Variants in DPYD observed in about 807,000 individuals in gnomAD.
DPYD encodes the protein dihydropyrimidine dehydrogenase [NADP(+)].
DPYD carries 109 observed loss-of-function variants against 116.2 expected under a neutral mutation model. The observed-to-expected ratio is 0.94, with a 90% CI of 0.80 to 1.10. The LOEUF (loss-of-function observed/expected upper bound fraction) is 1.10. Ranked by LOEUF, DPYD falls within the 50% of genes least tolerant of loss-of-function variation. The pLI is 0.00. For synonymous variants in DPYD, 440 were observed against 432.0 expected (o/e 1.02, Z -0.23); for missense variants, 1,302 against 1,254.5 (o/e 1.04, Z -0.57).
At chr1:97,278,931 T>TC (rs397714329) in intron 18 of DPYD, among the ~76,000 whole-genome samples, 26 of 152,082 alleles carry the variant, frequency 1.7e-4, no homozygotes, top group African/African-American at 5.8e-4. Context: ...ATTTTTTTTT[T>TC]CCCACAGCTC....
At chr1:97,283,106 T>C (rs1405526139) in intron 18 of DPYD, among the ~76,000 whole-genome samples, 2 of 152,148 alleles carry the variant, frequency 1.3e-5, no homozygotes, top group Non-Finnish European at 2.9e-5. Flanking sequence ...AATAGTTTAA[T>C]TTAGTACAAT....
At chr1:97,124,678 ACT>A (rs952324216) in intron 20 of DPYD, among the ~76,000 whole-genome samples, 116 of 152,242 alleles carry the variant, frequency 7.6e-4, no homozygotes, top group African/African-American at 2.7e-3. Context: ...ATATAAGTCC[ACT>A]GAGGAAAGTT....
intron 6 of DPYD, among the ~76,000 whole-genome samples, chr1:97,697,165 A>C (rs1453815671): frequency 6.6e-6 from 1 of 152,122 alleles, no homozygotes; most frequent in East Asian, 1.9e-4. Context: ...AAGCAAAACT[A>C]CTGATTATTT....
chr1:97,134,011 AAAAATATATATATATATATATAT>A (rs1288164352), intron 20 of DPYD, among the ~76,000 whole-genome samples: 3,712 of 35,176 alleles, frequency 0.11, 532 homozygotes, highest in Middle Eastern at 0.26. Context: ...AAAAAAAAAA[AAAAATATATATATATATATATAT>A]ATATATATAT....
chr1:97,696,671 T>A (rs1661325356), intron 6 of DPYD, among the ~76,000 whole-genome samples: 1 of 152,132 alleles, frequency 6.6e-6, no homozygotes. Flanking sequence ...TCAGACAACA[T>A]GAAAAAAATC....
At chr1:97,391,699 C>G (rs561821430) in intron 14 of DPYD, among the ~76,000 whole-genome samples, 28 of 152,022 alleles carry the variant, frequency 1.8e-4, no homozygotes, top group African/African-American at 6.0e-4. Context: ...ATTAGTTGCC[C>G]CATATCTGAT....
intron 5 of DPYD, among the ~76,000 whole-genome samples, chr1:97,710,878 C>T (rs1466216016): frequency 6.6e-6 from 1 of 151,528 alleles, no homozygotes; most frequent in Admixed American, 6.6e-5. Context: ...GTAAACCCAC[C>T]TGAAAGAGAA....
At chr1:97,362,100 G>A (rs568945440) in intron 16 of DPYD, among the ~76,000 whole-genome samples, 1 of 152,230 alleles carries the variant, frequency 6.6e-6, no homozygotes, top group Non-Finnish European at 1.5e-5. Flanking sequence ...AGCAACTTCA[G>A]CAAAGTCTCA....
intron 1 of DPYD, among the ~76,000 whole-genome samples, chr1:97,904,231 G>A (rs1673499200): frequency 6.6e-6 from 1 of 151,826 alleles, no homozygotes; most frequent in South Asian, 2.1e-4. Context: ...TATCATGATG[G>A]AAATCAAACA....
At chr1:97,772,080 T>C (rs1181677428) in intron 3 of DPYD, among the ~76,000 whole-genome samples, 1 of 152,194 alleles carries the variant, frequency 6.6e-6, no homozygotes, top group African/African-American at 2.4e-5. Flanking sequence ...GTCCTCTCAC[T>C]TTTTCTGCCC....
intron 18 of DPYD, among the ~76,000 whole-genome samples, chr1:97,264,116 A>G (rs1002862120): frequency 6.7e-6 from 1 of 148,332 alleles, no homozygotes; most frequent in Non-Finnish European, 1.5e-5. Flanking sequence ...TTGGTTACCT[A>G]CAGATAGCTA....
At chr1:97,108,415 C>G (rs939418103) in intron 20 of DPYD, among the ~76,000 whole-genome samples, 1 of 152,066 alleles carries the variant, frequency 6.6e-6, no homozygotes, top group Non-Finnish European at 1.5e-5. Flanking sequence ...GGGTTTATGC[C>G]TAGGTGGCAT....
intron 20 of DPYD, among the ~76,000 whole-genome samples, chr1:97,152,422 G>A (rs1655091506): frequency 6.9e-6 from 1 of 144,944 alleles, no homozygotes; most frequent in East Asian, 2.0e-4. Context: ...ACTTTGTTAG[G>A]TGATGGCTGA....
chr1:97,173,369 T>TATATGTAC (rs1475413620), intron 20 of DPYD, among the ~76,000 whole-genome samples: 4 of 149,694 alleles, frequency 2.7e-5, no homozygotes, highest in African/African-American at 4.9e-5. Flanking sequence ...CATATATACA[T>TATATGTAC]ATATGTGTGT....
At chr1:97,167,591 A>G (rs368562078) in intron 20 of DPYD, among the ~76,000 whole-genome samples, 1 of 152,310 alleles carries the variant, frequency 6.6e-6, no homozygotes, top group South Asian at 2.1e-4. Context: ...AAAAGACTGA[A>G]TTACAGATTA....
intron 2 of DPYD, among the ~76,000 whole-genome samples, chr1:97,832,884 G>A (rs1669602920): frequency 6.6e-6 from 1 of 151,364 alleles, no homozygotes; most frequent in Admixed American, 6.6e-5. Flanking sequence ...TCAGAACGCT[G>A]AGGATTTTAA....
At chr1:97,829,035 G>C (rs867946611) in intron 2 of DPYD, among the ~76,000 whole-genome samples, 12 of 151,584 alleles carry the variant, frequency 7.9e-5, no homozygotes, top group African/African-American at 2.9e-4. Context: ...ATAAATTGTA[G>C]AAATTTTCAA....
At chr1:97,709,983 G>A (rs929223477) in intron 5 of DPYD, among the ~76,000 whole-genome samples, 3 of 151,682 alleles carry the variant, frequency 2.0e-5, no homozygotes, top group African/African-American at 7.3e-5. Flanking sequence ...ACTAGTTGAA[G>A]GATGAATTGT....
At chr1:97,814,579 T>A (rs7554586) in intron 3 of DPYD, among the ~76,000 whole-genome samples, 5,585 of 151,852 alleles carry the variant, frequency 0.037, 320 homozygotes, top group African/African-American at 0.12. Flanking sequence ...AGAGAGAAAA[T>A]TTTTTCCACG....
Sources: allele counts gnomAD v4.1 joint callset (sites outside exome capture counted in the v4.1 genomes callset), GRCh38; gene constraint gnomAD v4.1.1; transcripts MANE v1.5; gene names NCBI Gene and HGNC (gene_info 2026-07-23, HGNC 2026-07-21).